The following L2HGDH variants were observed in gnomAD, a reference collection of about 807,000 sequenced individuals.
L2HGDH encodes the protein L-2-hydroxyglutarate dehydrogenase, mitochondrial.
In L2HGDH, 34 loss-of-function variants were observed where a neutral mutation model predicts 51.5. The ratio of observed to expected loss-of-function variants is 0.66; its 90% CI spans 0.50 to 0.88. The LOEUF is 0.88. L2HGDH is among the 40% of genes least tolerant of loss of function. The probability of loss-of-function intolerance (pLI) is 0.00; values close to 1 mark genes in which losing one functional copy is unlikely to be tolerated. For missense variants in L2HGDH, 558 were observed against 571.9 expected (o/e 0.98, Z 0.25); for synonymous variants, 198 against 197.9 (o/e 1.00, Z -0.01).
chr14:50,294,227 T>A lies in L2HGDH; in HGVS notation c.428A>T (p.Gln143Leu), dbSNP rs1393826344. The A allele has an allele frequency of 1.9e-6, 3 of 1,613,434 alleles. No homozygotes were observed. The highest frequency in any genetic ancestry group is 2.2e-5 in the East Asian group (1 of 44,880). The change falls in exon 4 of 10, where the codon CAA becomes CTA. Residue 143 changes from glutamine (Q) to leucine (L), a missense_variant. By Grantham distance (113) the Gln-to-Leu change is moderately radical. Transcript: ENST00000267436. ...QCGKLIVAVEQEEIPRLQALY... is the reference protein window; with the variant it reads ...QCGKLIVAVELEEIPRLQALY... ...GGCCTGAAGTCTGGGAATTTCTTCTTGTTCAACAGCTACTATAAGCTTCAA... is the reference window on the plus strand; with the variant it reads ...GGCCTGAAGTCTGGGAATTTCTTCTAGTTCAACAGCTACTATAAGCTTCAA...
At position 50,294,107 on chromosome 14, in the gene L2HGDH, T is replaced by A. The variant is rs1419591373; in HGVS notation, c.540+8A>T. The A allele has an allele frequency of 1.2e-6, 2 of 1,613,758 alleles. No individual in the cohort carries two copies. Among genetic ancestry groups the A allele is most frequent in the Non-Finnish European group, 1.7e-6 (2 of 1,179,742 alleles). Reference sequence around the variant, plus strand: ...CTAAATAAAAACATCCCTTTGTTAATCACTTACCCTACAATATGGCTCCTT... The same window carrying A: ...CTAAATAAAAACATCCCTTTGTTAAACACTTACCCTACAATATGGCTCCTT... On this transcript the variant is annotated splice_region_variant and intron_variant, in intron 4 of 9. Coordinates refer to ENST00000267436, the MANE Select transcript of L2HGDH (RefSeq NM_024884.3).
Position 50,283,750 on chromosome 14 carries a change from T to C in L2HGDH, c.703+121A>G, listed in dbSNP as rs887352722. 2.3e-4 allele frequency: 179 copies of C among 783,612 alleles called. 5 individuals carry two copies. In the South Asian group the frequency reaches 2.5e-3, roughly 11 times the overall value. The allele number at this position is 783,612 out of a possible 1,614,324, so 48.5% of individuals were successfully genotyped here. ...ATTTGTATTATGTATTATTCTACTA[T>C]TATTTTTTATTGTTTTTTTTCCCAA... On this transcript the variant is annotated intron_variant, in intron 5 of 9. Transcript: ENST00000267436.
In L2HGDH at chr14:50,247,005, C is replaced by G; in HGVS notation, c.*53G>C. ...TTTAAATTAAAGAATGCAATTAGTA[C>G]ATTCTTGTTGCTGACATGAAGATTA... On this transcript the variant is annotated 3_prime_UTR_variant, in exon 10 of 10. Coordinates refer to ENST00000267436, the MANE Select transcript of L2HGDH (RefSeq NM_024884.3). The G allele has an allele frequency of 6.3e-7, 1 of 1,582,060 alleles. No homozygotes were observed. Among genetic ancestry groups the G allele is most frequent in the Non-Finnish European group, 8.6e-7 (1 of 1,159,472 alleles).
Position 50,267,866 on chromosome 14 carries a change from T to C in L2HGDH, c.951A>G (p.Pro317=). Residue 317 remains proline, a synonymous_variant, in exon 8 of 10, where the codon CCA becomes CCG. Coordinates refer to ENST00000267436, the MANE Select transcript of L2HGDH (RefSeq NM_024884.3). ...CTAGCCAAATACTGCCATCCATCCTTGGTGTGAAGTGAACTCCTAGGAAAG... is the reference window on the plus strand; with the variant it reads ...CTAGCCAAATACTGCCATCCATCCTCGGTGTGAAGTGAACTCCTAGGAAAG... ...RFPFLGVHFT[P]RMDGSIWLGP... 2 of 1,614,104 alleles carry C rather than the reference T, an allele frequency of 1.2e-6. No homozygotes were observed. The highest frequency in any genetic ancestry group is 1.3e-5 in the African/African-American group (1 of 75,068).
In L2HGDH at chr14:50,244,554, C is replaced by A; in HGVS notation, c.*2504G>T. 3.0e-6 allele frequency: 3 copies of A among 985,378 alleles called. No homozygotes were observed. Among genetic ancestry groups the A allele is most frequent in the Non-Finnish European group, 3.6e-6 (3 of 829,914 alleles). The allele number at this position is 985,378 out of a possible 1,614,324, so 61.0% of individuals were successfully genotyped here. A position where few individuals can be genotyped will look rare whatever the true frequency, so the allele number is the denominator to read the frequency against. ...TGTTTGCATTTCTTGCAGGAATCAGCTGTTATAAAGAAACATTAGGGCTTG... is the reference window on the plus strand; with the variant it reads ...TGTTTGCATTTCTTGCAGGAATCAGATGTTATAAAGAAACATTAGGGCTTG... On this transcript the variant is annotated 3_prime_UTR_variant, in exon 10 of 10. Coordinates refer to ENST00000267436, the MANE Select transcript of L2HGDH (RefSeq NM_024884.3).
chr14:50,274,081 AAAAT>A (rs1481987274), intron 6 of L2HGDH, among the ~76,000 whole-genome samples: 1 of 152,122 alleles, frequency 6.6e-6, no homozygotes, highest in East Asian at 1.9e-4. Flanking sequence ...CCCATCTCAA[AAAAT>A]AAATAAATAA....
chr14:50,269,713 C>T (rs1446943568), intron 6 of L2HGDH, among the ~76,000 whole-genome samples: 8 of 152,080 alleles, frequency 5.3e-5, no homozygotes, highest in Non-Finnish European at 2.9e-5. Context: ...TTTAGACAGC[C>T]TCCACCAATT....
chr14:50,249,882 CTTTTTTTTTTTTTTTTTTTT>C lies in L2HGDH; in HGVS notation c.1197-2649_1197-2630del, dbSNP rs747924080. Among the ~76,000 whole-genome samples, 15 of 68,912 alleles carry C rather than the reference CTTTTTTTTTTTTTTTTTTTT, an allele frequency of 2.2e-4. 1 individual carries two copies. In the Admixed American group the frequency reaches 2.4e-3, roughly 11 times the overall value. The allele number at this position is 68,912 out of a possible 152,430, so 45.2% of individuals were successfully genotyped here. On this transcript the variant is annotated intron_variant, in intron 9 of 9. Transcript: ENST00000267436. Reference sequence around the variant, plus strand: ...GGTCCCCAAGTCAAGGCTTACACTCCTTTTTTTTTTTTTTTTTTTTTTTTTTTTTTTTTTTGTGAGACAGA... The same window carrying C: ...GGTCCCCAAGTCAAGGCTTACACTCCTTTTTTTTTTTTTTTGTGAGACAGA...
At chr14:50,283,446 C>A (rs113903238) in intron 5 of L2HGDH, among the ~76,000 whole-genome samples, 5 of 152,166 alleles carry the variant, frequency 3.3e-5, no homozygotes, top group African/African-American at 1.2e-4. Flanking sequence ...CATACTCTAG[C>A]CTAGCTCCAT....
intron 9 of L2HGDH, among the ~76,000 whole-genome samples, chr14:50,257,428 G>A (rs1888737230): frequency 1.3e-5 from 2 of 151,066 alleles, no homozygotes; most frequent in South Asian, 4.2e-4. Flanking sequence ...GGAGGGCAGT[G>A]GTGTAATCAC....
At chr14:50,295,796 T>G (rs919552626) in intron 3 of L2HGDH, among the ~76,000 whole-genome samples, 3 of 149,832 alleles carry the variant, frequency 2.0e-5, no homozygotes, top group Admixed American at 1.3e-4. Context: ...TGGAGTGCAA[T>G]GGCAGGATCT....
chr14:50,243,436 A>G lies in L2HGDH; in HGVS notation c.*3622T>C, dbSNP rs146834966. 579 of 935,396 alleles carry G rather than the reference A, an allele frequency of 6.2e-4. 5 individuals are homozygous for G. In the African/African-American group the frequency reaches 8.4e-3, roughly 14 times the overall value. The allele number at this position is 935,396 out of a possible 1,614,324, so 57.9% of individuals were successfully genotyped here. A position where few individuals can be genotyped will look rare whatever the true frequency, so the allele number is the denominator to read the frequency against. The stretch of plus-strand genomic sequence containing the variant: ...TACACATAAAAAAATTTATTTGCAT[A>G]AAAGTTTTTATGGAACTAAAAAATA... On this transcript the variant is annotated 3_prime_UTR_variant, in exon 10 of 10. Transcript: ENST00000267436.
chr14:50,274,989 A>G (rs116748760), intron 6 of L2HGDH, among the ~76,000 whole-genome samples: 2,220 of 151,664 alleles, frequency 0.015, 58 homozygotes, highest in African/African-American at 0.051. Context: ...CAGGAATGGG[A>G]TGATAGCAGT....
intron 9 of L2HGDH, among the ~76,000 whole-genome samples, chr14:50,256,916 T>G (rs1310088467): frequency 6.6e-6 from 1 of 152,060 alleles, no homozygotes; most frequent in East Asian, 1.9e-4. Flanking sequence ...TGGAATCTTC[T>G]CAGTTTTCTT....
At chr14:50,309,621 G>C (rs1157483045) in intron 1 of L2HGDH, among the ~76,000 whole-genome samples, 1 of 151,136 alleles carries the variant, frequency 6.6e-6, no homozygotes, top group East Asian at 1.9e-4. Context: ...GGAGAGGAAG[G>C]TGTGAATATA....
chr14:50,304,825 ACT>A (rs1470281957), intron 1 of L2HGDH, among the ~76,000 whole-genome samples: 1 of 151,960 alleles, frequency 6.6e-6, no homozygotes, highest in Non-Finnish European at 1.5e-5. Context: ...ACAGAGCGAG[ACT>A]CTGTCTCAAA....
intron 4 of L2HGDH, chr14:50,293,213 A>T: frequency 1.4e-6 from 1 of 702,330 alleles, no homozygotes; most frequent in South Asian, 1.5e-5. Context: ...ACCTGATATC[A>T]TAAAGGCAAT....
intron 6 of L2HGDH, among the ~76,000 whole-genome samples, chr14:50,270,801 C>T (rs1566515710): frequency 2.6e-5 from 4 of 151,938 alleles, no homozygotes; most frequent in Admixed American, 1.3e-4. Context: ...CCACCGCGCC[C>T]GGCCAGGCCT....
chr14:50,252,317 A>G (rs1196594437), intron 9 of L2HGDH, among the ~76,000 whole-genome samples: 3 of 152,060 alleles, frequency 2.0e-5, no homozygotes, highest in African/African-American at 7.2e-5. Context: ...ACCATCAGAG[A>G]AAAATCACCT....
Sources: allele counts gnomAD v4.1 joint callset (sites outside exome capture counted in the v4.1 genomes callset), GRCh38; gene constraint gnomAD v4.1.1; transcripts MANE v1.5; gene names NCBI Gene and HGNC (gene_info 2026-07-23, HGNC 2026-07-21).